The following GDAP1L1 variants were observed in gnomAD, a reference collection of about 807,000 sequenced individuals.
GDAP1L1 encodes ganglioside-induced differentiation-associated protein 1-like 1.
Under a neutral mutation model 37.1 loss-of-function variants are expected in GDAP1L1, and 21 were observed. The ratio of observed to expected loss-of-function variants is 0.57; its 90% CI spans 0.40 to 0.81. The LOEUF (loss-of-function observed/expected upper bound fraction) is 0.81, where lower values mean the gene tolerates loss of function less well. Among genes scored for constraint, GDAP1L1 ranks in the 40% least tolerant of loss-of-function variants. The probability of loss-of-function intolerance (pLI) is 0.00; values close to 1 mark genes in which losing one functional copy is unlikely to be tolerated. For missense variants in GDAP1L1, 362 were observed against 491.6 expected (o/e 0.74, Z 2.49); for synonymous variants, 193 against 209.1 (o/e 0.92, Z 0.67).
intron 3 of GDAP1L1, 74 bp from the exon 4 acceptor site, chr20:44,263,156 A>T: frequency 8.9e-7 from 1 of 1,125,204 alleles, no homozygotes; most frequent in Non-Finnish European, 1.4e-6. Flanking sequence ...GGCCTACTTC[A>T]AGTTGTGTAA....
At chr20:44,267,863 C>G (rs943652839) in intron 5 of GDAP1L1, among the ~76,000 whole-genome samples, 1 of 152,178 alleles carries the variant, frequency 6.6e-6, no homozygotes, top group African/African-American at 2.4e-5. Context: ...GACCCTACTG[C>G]TGACCGCTGT....
At chr20:44,256,520 A>G (rs2073548921) in intron 1 of GDAP1L1, among the ~76,000 whole-genome samples, 1 of 152,078 alleles carries the variant, frequency 6.6e-6, no homozygotes, top group Non-Finnish European at 1.5e-5. Context: ...AAATACAAAA[A>G]TTAGCTGGGT....
Position 44,257,270 on chromosome 20 carries a change from G to A in GDAP1L1, c.298G>A (p.Val100Ile), listed in dbSNP as rs541262708. ...GCTCAACCTGGGCGAGGAGGTGCCC[G>A]TCATCATCCACCGCGACAACATCAT... ...MRLNLGEEVP[V>I]IIHRDNIISD... Residue 100 changes from valine (V) to isoleucine (I), a missense_variant, in exon 2 of 6, where the codon GTC becomes ATC. Physicochemically the swap from Val to Ile is conservative, Grantham distance 29. Coordinates refer to ENST00000342560, the MANE Select transcript of GDAP1L1 (RefSeq NM_024034.6). 78 of 1,613,784 alleles carry A rather than the reference G, an allele frequency of 4.8e-5. No homozygotes were observed. Among genetic ancestry groups the A allele is most frequent in the Non-Finnish European group, 6.3e-5 (74 of 1,179,954 alleles).
At position 44,279,738 on chromosome 20, in the gene GDAP1L1, A is replaced by C. The variant is rs2062622811; in HGVS notation, c.*438A>C. On this transcript the variant is annotated 3_prime_UTR_variant, in exon 6 of 6. Transcript: ENST00000342560. The stretch of plus-strand genomic sequence containing the variant: ...TGCCCAGGGAACTCTTCCACAGGAC[A>C]AAGCCGACATCAAGACTCAACTCCT... The C allele has an allele frequency of 2.1e-6, 1 of 472,698 alleles. No homozygotes were observed. The allele number at this position is 472,698 out of a possible 1,614,324, so 29.3% of individuals were successfully genotyped here.
rs62205980 is a variant in GDAP1L1 at position 44,266,466 on chromosome 20, G to A, written c.760+1907G>A. On this transcript the variant is annotated intron_variant, in intron 5 of 5. Transcript: ENST00000342560. ...AGAGTCCCAGCTCTGCCATGCTCTC[G>A]GTGGGTGACCTTGGACATCAAGTAT... Among the ~76,000 whole-genome samples the A allele has an allele frequency of 7.6e-3, 1,153 of 152,192 alleles. 18 individuals are homozygous for A. Among genetic ancestry groups the A allele is most frequent in the East Asian group, 0.052 (269 of 5,182 alleles).
At chr20:44,252,241 G>A (rs1198451076) in intron 1 of GDAP1L1, among the ~76,000 whole-genome samples, 3 of 152,230 alleles carry the variant, frequency 2.0e-5, no homozygotes, top group African/African-American at 7.2e-5. Flanking sequence ...GCCAGGCGTG[G>A]TGGCTCACAC....
At chr20:44,256,671 G>A (rs1411273694) in intron 1 of GDAP1L1, among the ~76,000 whole-genome samples, 1 of 148,842 alleles carries the variant, frequency 6.7e-6, no homozygotes, top group African/African-American at 2.5e-5. Flanking sequence ...AAAAAAAGGG[G>A]AAAAAAAAAA....
chr20:44,273,944 G>C (rs1317840360), intron 5 of GDAP1L1, among the ~76,000 whole-genome samples: 2 of 152,110 alleles, frequency 1.3e-5, no homozygotes, highest in East Asian at 1.9e-4. Context: ...CCCACCCACT[G>C]TATATCATCA....
chr20:44,258,352 T>C (rs1203120779), intron 2 of GDAP1L1, 82 bp from the exon 3 acceptor site: 2 of 1,369,700 alleles, frequency 1.5e-6, no homozygotes, highest in Non-Finnish European at 2.0e-6. Context: ...AGAGACATCT[T>C]GGGGCTCAGG....
chr20:44,279,663 G>C lies in GDAP1L1; in HGVS notation c.*363G>C, dbSNP rs2062621754. On this transcript the variant is annotated 3_prime_UTR_variant, in exon 6 of 6. Transcript: ENST00000342560. ...TTCGTCCACCAGGGCCCAGATTCTG[G>C]GAGGTGCTGGGGACTCAGAGGGCCT... is the stretch of plus-strand genomic sequence containing the variant. 1 of 480,184 alleles carries C rather than the reference G, an allele frequency of 2.1e-6. No homozygotes were observed. Among genetic ancestry groups the C allele is most frequent in the Non-Finnish European group, 4.3e-6 (1 of 233,304 alleles). The allele number at this position is 480,184 out of a possible 1,614,324, so 29.7% of individuals were successfully genotyped here. A position where few individuals can be genotyped will look rare whatever the true frequency, so the allele number is the denominator to read the frequency against.
chr20:44,257,508 G>A (rs2073581533), intron 2 of GDAP1L1, among the ~76,000 whole-genome samples, 163 bp downstream of exon 2: 1 of 152,078 alleles, frequency 6.6e-6, no homozygotes, highest in Non-Finnish European at 1.5e-5. Flanking sequence ...CCACAGGCAG[G>A]GTTCAGATGC....
At chr20:44,277,054 C>T (rs1268439632) in intron 5 of GDAP1L1, among the ~76,000 whole-genome samples, 2 of 152,018 alleles carry the variant, frequency 1.3e-5, no homozygotes, top group East Asian at 1.9e-4. Flanking sequence ...GATGGGGTTT[C>T]GCTCTTGTTG....
chr20:44,270,346 A>C (rs1336022467), intron 5 of GDAP1L1, among the ~76,000 whole-genome samples: 1 of 150,836 alleles, frequency 6.6e-6, no homozygotes, highest in Non-Finnish European at 1.5e-5. Context: ...AATTTTTTGT[A>C]TTTTTAGTAG....
intron 5 of GDAP1L1, among the ~76,000 whole-genome samples, chr20:44,277,983 G>A (rs2062601524): frequency 6.6e-6 from 1 of 151,866 alleles, no homozygotes; most frequent in African/African-American, 2.4e-5. Flanking sequence ...GTGAAACCCT[G>A]TTTCTACTAA....
At chr20:44,249,087 G>T (rs1482537637) in intron 1 of GDAP1L1, among the ~76,000 whole-genome samples, 1 of 151,638 alleles carries the variant, frequency 6.6e-6, no homozygotes. Context: ...CCAGGCTGGA[G>T]GGCAGTGGCA....
At position 44,276,466 on chromosome 20, in the gene GDAP1L1, A is replaced by AAGAAAGAAAGAAAGAAAGAG. The variant is rs1555801145; in HGVS notation, c.761-2490_761-2489insGAAAGAAAGAAAGAAAGAGA. On this transcript the variant is annotated intron_variant, in intron 5 of 5. Transcript: ENST00000342560. ...AAAGAAAGAAAGAAAGAAAGAAAGA[A>AAGAAAGAAAGAAAGAAAGAG]AAAGAAAGGCAGAAAGCAAGCAAGC... Among the ~76,000 whole-genome samples the AAGAAAGAAAGAAAGAAAGAG allele has an allele frequency of 3.6e-5, 5 of 137,098 alleles. No homozygotes were observed. The South Asian group carries it at 7.1e-4, about 19-fold the overall frequency. 89.9% of individuals were successfully genotyped at this position (137,098 alleles called of 152,430 possible).
chr20:44,254,999 G>A (rs757046962), intron 1 of GDAP1L1, among the ~76,000 whole-genome samples: 2 of 152,092 alleles, frequency 1.3e-5, no homozygotes, highest in African/African-American at 2.4e-5. Context: ...CTCACTTCAC[G>A]GAAGCTAGAA....
intron 1 of GDAP1L1, 147 bp downstream of exon 1, chr20:44,247,661 C>A: frequency 1.4e-6 from 1 of 693,124 alleles, no homozygotes; most frequent in Non-Finnish European, 2.3e-6. Flanking sequence ...CGCAAGGGTT[C>A]CTTCCAGGAC....
At chr20:44,277,406 C>T (rs2062594639) in intron 5 of GDAP1L1, among the ~76,000 whole-genome samples, 2 of 152,272 alleles carry the variant, frequency 1.3e-5, no homozygotes, top group South Asian at 4.2e-4. Context: ...GGGCAAAGGC[C>T]CTGTGGTAGG....
Sources: allele counts gnomAD v4.1 joint callset (sites outside exome capture counted in the v4.1 genomes callset), GRCh38; gene constraint gnomAD v4.1.1; transcripts MANE v1.5; gene names NCBI Gene and HGNC (gene_info 2026-07-23, HGNC 2026-07-21).